Variants in TENM4 observed in about 807,000 individuals in gnomAD.
TENM4 encodes the protein teneurin-4.
A neutral mutation model predicts 243.3 loss-of-function variants in TENM4; 82 were observed. The observed-to-expected ratio is 0.34, with a 90% CI of 0.28 to 0.40. TENM4 has a LOEUF of 0.40. Among genes scored for constraint, TENM4 ranks in the 10% least tolerant of loss-of-function variants. The pLI, the probability that TENM4 is intolerant of heterozygous loss-of-function variation, is 1.00. For synonymous variants in TENM4, 1,412 were observed against 1,456.3 expected, an observed-to-expected ratio of 0.97 and a Z score of 0.69; for missense variants, 3,138 against 3,673.3, an observed-to-expected ratio of 0.85 and a Z score of 3.77.
chr11:78,984,740 G>A (rs1165106341), intron 6 of TENM4, among the ~76,000 whole-genome samples: 2 of 151,982 alleles, frequency 1.3e-5, no homozygotes. Context: ...GATTAAGCAC[G>A]GATTCTAGAG....
chr11:79,128,120 G>T (rs777085690), intron 4 of TENM4, among the ~76,000 whole-genome samples: 4 of 152,332 alleles, frequency 2.6e-5, no homozygotes, highest in Middle Eastern at 3.4e-3. Context: ...GGTGCTTGAG[G>T]TGTCAGTGGC....
chr11:78,791,150 G>A (rs1591026570), intron 15 of TENM4, among the ~76,000 whole-genome samples: 1 of 152,162 alleles, frequency 6.6e-6, no homozygotes, highest in East Asian at 1.9e-4. Context: ...CCATCTGACT[G>A]AGTGAAGAGA....
rs988616633 is a variant in TENM4 at position 79,440,072 on chromosome 11, G to A, written c.-321+437C>T. Reference sequence around the variant, plus strand: ...GGGCAGGCTGCAGCCGCTGAAGCCCGGCGCCGCCTCGCGGGCTCCTCCAGC... The same window carrying A: ...GGGCAGGCTGCAGCCGCTGAAGCCCAGCGCCGCCTCGCGGGCTCCTCCAGC... On this transcript the variant is annotated intron_variant, in intron 1 of 33. Coordinates refer to ENST00000278550, the MANE Select transcript of TENM4 (RefSeq NM_001098816.3). This position sits in a 1 kb window ranked among gnomAD's most constrained non-coding sequence, Gnocchi z 4.7. Among the ~76,000 whole-genome samples the A allele has an allele frequency of 6.6e-5, 10 of 152,150 alleles. No homozygotes were observed. The highest frequency in any genetic ancestry group is 1.0e-4 in the Non-Finnish European group (7 of 68,004).
chr11:79,432,454 G>T (rs1315880642), intron 1 of TENM4, among the ~76,000 whole-genome samples: 1 of 152,182 alleles, frequency 6.6e-6, no homozygotes, highest in Non-Finnish European at 1.5e-5. Flanking sequence ...TTAGTAAAAA[G>T]CTGGTTTCTC....
At chr11:78,788,345 C>T (rs600681) in intron 15 of TENM4, among the ~76,000 whole-genome samples, 80,391 of 152,210 alleles carry the variant, frequency 0.53, 25,223 homozygotes, top group Non-Finnish European at 0.72. Context: ...AAGCACATTA[C>T]CTCAAAAGGG....
chr11:79,406,840 C>A (rs1307335944), intron 1 of TENM4, among the ~76,000 whole-genome samples: 3 of 152,238 alleles, frequency 2.0e-5, no homozygotes, highest in African/African-American at 7.2e-5. Flanking sequence ...TATATTTACT[C>A]TGATCTTTCC....
rs774139090 is a variant in TENM4 at position 78,729,495 on chromosome 11, G to A, written c.3287C>T (p.Ala1096Val). The A allele has an allele frequency of 6.2e-7, 1 of 1,613,688 alleles. No individual in the cohort carries two copies. Among genetic ancestry groups the A allele is most frequent in the East Asian group, 2.2e-5 (1 of 44,860 alleles). The change falls in exon 22 of 34, where the codon GCG becomes GTG. Residue 1096 changes from alanine (A) to valine (V), a missense_variant. This residue lies in a region of TENM4 where 2,467 missense variants were observed against 3,059.1 expected (regional missense o/e 0.81). Transcript: ENST00000278550. ...CTTCCTGAAGAGGCGGCCCTCCACC[G>A]CTACCATGAGGTGCACCTTCATGAG... ...FNLMKVHLMVAVEGRLFRKWF... is the reference protein window; with the variant it reads ...FNLMKVHLMVVVEGRLFRKWF...
intron 6 of TENM4, among the ~76,000 whole-genome samples, chr11:78,965,508 A>T (rs979041934): frequency 2.0e-5 from 3 of 152,200 alleles, no homozygotes; most frequent in Non-Finnish European, 4.4e-5. Context: ...TTCAGACAAA[A>T]ATTAAGAAAC....
chr11:78,872,459 G>C (rs558029448), intron 9 of TENM4, among the ~76,000 whole-genome samples: 1 of 152,128 alleles, frequency 6.6e-6, no homozygotes, highest in East Asian at 1.9e-4. Flanking sequence ...GGTACAACAC[G>C]CCACTGCCAG....
intron 4 of TENM4, among the ~76,000 whole-genome samples, chr11:79,139,079 ATT>A (rs1565220158): frequency 2.8e-5 from 1 of 35,846 alleles, no homozygotes; most frequent in African/African-American, 1.8e-4. Context: ...ATAAATATAT[ATT>A]ATATTTCTAT....
intron 4 of TENM4, among the ~76,000 whole-genome samples, chr11:79,104,053 C>A (rs756403094): frequency 6.6e-6 from 1 of 152,136 alleles, no homozygotes; most frequent in African/African-American, 2.4e-5. Context: ...GTCTCTCTTC[C>A]CTATTTTTCT....
At chr11:79,408,259 G>GA (rs907352076) in intron 1 of TENM4, among the ~76,000 whole-genome samples, 9 of 152,124 alleles carry the variant, frequency 5.9e-5, no homozygotes. Context: ...AAATCCTAGA[G>GA]AAAAACTTAG....
chr11:78,764,512 G>C (rs1012018662), intron 18 of TENM4, among the ~76,000 whole-genome samples: 3 of 152,236 alleles, frequency 2.0e-5, no homozygotes, highest in Non-Finnish European at 4.4e-5. Context: ...ATGGTTGAAT[G>C]AATGAATAAA....
intron 1 of TENM4, among the ~76,000 whole-genome samples, chr11:79,426,030 C>T (rs1859042702): frequency 6.6e-6 from 1 of 152,122 alleles, no homozygotes; most frequent in Non-Finnish European, 1.5e-5. Flanking sequence ...GAGACCATCA[C>T]CCACACTCTG....
intron 3 of TENM4, among the ~76,000 whole-genome samples, chr11:79,206,726 T>C (rs530708953): frequency 4.6e-5 from 7 of 152,296 alleles, no homozygotes; most frequent in African/African-American, 1.4e-4. Context: ...ATGTTAGAAG[T>C]ACCTTCCACC....
At chr11:78,661,337 G>A in intron 33 of TENM4, 112 bp downstream of exon 33, 1 of 1,358,098 alleles carries the variant, frequency 7.4e-7, no homozygotes, top group Non-Finnish European at 1.0e-6. Flanking sequence ...AGGCACTGTG[G>A]AGGCACCACA....
chr11:78,959,179 T>C (rs1425055551), intron 6 of TENM4, among the ~76,000 whole-genome samples: 1 of 152,144 alleles, frequency 6.6e-6, no homozygotes, highest in African/African-American at 2.4e-5. Context: ...ATTAAAAGTC[T>C]CTGAAAAACC....
intron 6 of TENM4, among the ~76,000 whole-genome samples, chr11:78,950,507 G>A (rs1591156513): frequency 1.3e-5 from 2 of 152,300 alleles, no homozygotes; most frequent in Admixed American, 1.3e-4. Flanking sequence ...GTGGGAGTGA[G>A]AAAAGATTGT....
At chr11:79,069,654 C>T in intron 5 of TENM4, 68 bp downstream of exon 5, 2 of 1,487,812 alleles carry the variant, frequency 1.3e-6, no homozygotes, top group Non-Finnish European at 9.0e-7. Context: ...CCACGCCCAC[C>T]CGAGCCCATG....
Sources: allele counts gnomAD v4.1 joint callset (sites outside exome capture counted in the v4.1 genomes callset), GRCh38; gene constraint gnomAD v4.1.1; regional missense constraint gnomAD v4.1.1; non-coding constraint Gnocchi (gnomAD v3.1); transcripts MANE v1.5; gene names NCBI Gene and HGNC (gene_info 2026-07-23, HGNC 2026-07-21).